The following ARID5B variants were observed in gnomAD, a reference collection of about 807,000 sequenced individuals.
ARID5B encodes AT-rich interaction domain 5B.
Under a neutral mutation model 97.2 loss-of-function variants are expected in ARID5B, and 13 were observed. The ratio of observed to expected loss-of-function variants is 0.13; its 90% confidence interval spans 0.09 to 0.21. The LOEUF is 0.21. Ranked by LOEUF, ARID5B falls within the 10% of genes least tolerant of loss-of-function variation. ARID5B has a pLI of 1.00. For synonymous variants in ARID5B, 556 were observed against 570.3 expected (o/e 0.97, Z 0.36); for missense variants, 1,210 against 1,465.3 (o/e 0.83, Z 2.84).
At chr10:62,047,530 G>C (rs1045016403) in intron 4 of ARID5B, among the ~76,000 whole-genome samples, 14 of 152,124 alleles carry the variant, frequency 9.2e-5, no homozygotes, top group African/African-American at 3.4e-4. Context: ...TCTTGGTAGA[G>C]ATCAGTCTCA....
chr10:61,952,003 G>GTTGGTCTATAGCCATGACTA (rs1838330523), intron 3 of ARID5B, among the ~76,000 whole-genome samples: 1 of 151,984 alleles, frequency 6.6e-6, no homozygotes, highest in African/African-American at 2.4e-5. Context: ...TAAAACTCTT[G>GTTGGTCTATAGCCATGACTA]TAGTTATGCA....
chr10:61,966,040 T>C (rs1410189841), intron 3 of ARID5B, among the ~76,000 whole-genome samples: 2 of 152,220 alleles, frequency 1.3e-5, no homozygotes, highest in Admixed American at 1.3e-4. Context: ...AATATGTTTG[T>C]GTTGCAGAAA....
At chr10:61,982,085 C>T (rs899287933) in intron 3 of ARID5B, among the ~76,000 whole-genome samples, 2 of 152,162 alleles carry the variant, frequency 1.3e-5, no homozygotes, top group Admixed American at 6.5e-5. Context: ...CACTTCTCCA[C>T]GTGTTGGAAG....
chr10:61,968,567 C>T (rs1396419544), intron 3 of ARID5B, among the ~76,000 whole-genome samples: 2 of 152,030 alleles, frequency 1.3e-5, no homozygotes, highest in Admixed American at 1.3e-4. Flanking sequence ...TCTAAGGCAC[C>T]ATTACTGGTA....
At chr10:62,022,650 T>C (rs1470739249) in intron 4 of ARID5B, among the ~76,000 whole-genome samples, 2 of 152,230 alleles carry the variant, frequency 1.3e-5, no homozygotes, top group African/African-American at 4.8e-5. Flanking sequence ...ACCCAGTTTT[T>C]TTCTACAACA....
At chr10:61,961,816 C>T (rs1838475388) in intron 3 of ARID5B, among the ~76,000 whole-genome samples, 1 of 152,100 alleles carries the variant, frequency 6.6e-6, no homozygotes, top group Non-Finnish European at 1.5e-5. Flanking sequence ...GGTGCAATCT[C>T]GGCTCACTGC....
chr10:62,057,010 A>T, intron 5 of ARID5B, 107 bp from the exon 6 acceptor site: 1 of 997,220 alleles, frequency 1.0e-6, no homozygotes, highest in Non-Finnish European at 1.5e-6. Flanking sequence ...TTACCGGTTC[A>T]CCCTTAGCAC....
chr10:61,946,387 G>A (rs1170222854), intron 3 of ARID5B, among the ~76,000 whole-genome samples: 1 of 152,138 alleles, frequency 6.6e-6, no homozygotes, highest in Admixed American at 6.5e-5. Flanking sequence ...ACTTTTCACT[G>A]CTAATGAATT....
chr10:61,948,224 A>G (rs139989083), intron 3 of ARID5B, among the ~76,000 whole-genome samples: 786 of 152,206 alleles, frequency 5.2e-3, no homozygotes, highest in Non-Finnish European at 8.4e-3. Context: ...GAAACTCTTT[A>G]TAGAATTGTC....
chr10:62,082,150 A>G (rs1024868220), intron 8 of ARID5B, among the ~76,000 whole-genome samples: 1 of 152,208 alleles, frequency 6.6e-6, no homozygotes, highest in African/African-American at 2.4e-5. Context: ...TCCTAGGGAA[A>G]AATAAAATCT....
intron 4 of ARID5B, among the ~76,000 whole-genome samples, chr10:62,046,282 T>G (rs1839707592): frequency 6.6e-6 from 1 of 152,206 alleles, no homozygotes. Context: ...ACTTTGCCAG[T>G]AACTGGTTAC....
At chr10:62,044,101 C>T (rs1295386067) in intron 4 of ARID5B, among the ~76,000 whole-genome samples, 2 of 151,734 alleles carry the variant, frequency 1.3e-5, no homozygotes, top group African/African-American at 4.8e-5. Context: ...GAAGAACAAG[C>T]ACTTGGATTC....
At chr10:62,050,318 T>C (rs1839769835) in intron 4 of ARID5B, among the ~76,000 whole-genome samples, 1 of 152,236 alleles carries the variant, frequency 6.6e-6, no homozygotes, top group African/African-American at 2.4e-5. Flanking sequence ...TGCAGTATTG[T>C]TAGTAAATAT....
chr10:62,061,477 G>A (rs1227976002), intron 7 of ARID5B, among the ~76,000 whole-genome samples: 1 of 152,210 alleles, frequency 6.6e-6, no homozygotes, highest in Non-Finnish European at 1.5e-5. Flanking sequence ...CTAGAGAGAA[G>A]GATGGAGAGA....
intron 4 of ARID5B, among the ~76,000 whole-genome samples, chr10:62,031,621 A>G (rs1032884217): frequency 1.3e-5 from 2 of 152,178 alleles, no homozygotes; most frequent in Non-Finnish European, 2.9e-5. Flanking sequence ...AAGACCTGAG[A>G]GATCTTTCAG....
In ARID5B at chr10:62,091,385, C is replaced by A. The variant is rs772420176; in HGVS notation, c.1922C>A (p.Ala641Glu). The A allele has an allele frequency of 6.2e-7, 1 of 1,613,882 alleles. No individual in the cohort carries two copies. The highest frequency in any genetic ancestry group is 1.7e-5 in the Admixed American group (1 of 59,994). The change falls in exon 10 of 10, where the codon GCG becomes GAG. Residue 641 changes from alanine to glutamate, a missense_variant. This residue lies in a region of ARID5B where 800 missense variants were observed against 839.1 expected (regional missense o/e 0.95). Transcript: ENST00000279873. ...CTGGGCAGTGACGACATCCACAATG[C>A]GCTCAAGCAGACCCCAAAGGTCCTT... ...DQLGSDDIHN[A>E]LKQTPKVLVV... is the part of the protein sequence containing the mutation.
At position 62,092,334 on chromosome 10, in the gene ARID5B, A is replaced by T. The variant is rs768259218; in HGVS notation, c.2871A>T (p.Val957=). The T allele has an allele frequency of 9.9e-6, 16 of 1,613,676 alleles. No homozygotes were observed. In the South Asian group the frequency reaches 1.8e-4, roughly 18 times the overall value. The change falls in exon 10 of 10, where the codon GTA becomes GTT. Residue 957 remains valine (V), a synonymous_variant. Coordinates refer to ENST00000279873, the MANE Select transcript of ARID5B (RefSeq NM_032199.3). Reference sequence around the variant, plus strand: ...ACTGTCACCCCAAAGCCTGTCGGGTATCACCCATGACCATGTCAGGCCCTA... The same window carrying T: ...ACTGTCACCCCAAAGCCTGTCGGGTTTCACCCATGACCATGTCAGGCCCTA... The part of the protein sequence containing the change: ...SRDCHPKACR[V]SPMTMSGPKK...
Position 61,981,594 on chromosome 10 carries a change from CT to C in ARID5B, c.503-18489del, listed in dbSNP as rs1230521386. Reference sequence around the variant, plus strand: ...ACCATGCCTGGCCTGAGGTTTTTATCTTTTTTTTCCCTGTAGTTTGGCATTA... The same window carrying C: ...ACCATGCCTGGCCTGAGGTTTTTATCTTTTTTTCCCTGTAGTTTGGCATTA... On this transcript the variant is annotated intron_variant, in intron 3 of 9. Coordinates refer to ENST00000279873, the MANE Select transcript of ARID5B (RefSeq NM_032199.3). 2.0e-5 allele frequency among the ~76,000 whole-genome samples: 3 copies of C among 151,950 alleles called. No individual in the cohort carries two copies. In the East Asian group the frequency reaches 5.8e-4, roughly 29 times the overall value.
intron 3 of ARID5B, among the ~76,000 whole-genome samples, chr10:61,970,731 C>T (rs143074301): frequency 1.1e-3 from 166 of 152,250 alleles, no homozygotes; most frequent in African/African-American, 3.8e-3. Context: ...TGTTTACAAA[C>T]TCCTTCCTAG....
Sources: allele counts gnomAD v4.1 joint callset (sites outside exome capture counted in the v4.1 genomes callset), GRCh38; gene constraint gnomAD v4.1.1; regional missense constraint gnomAD v4.1.1; transcripts MANE v1.5; gene names NCBI Gene and HGNC (gene_info 2026-07-23, HGNC 2026-07-21).